The following RSRC1 variants were observed in gnomAD, a reference collection of about 807,000 sequenced individuals.
RSRC1 encodes arginine and serine rich coiled-coil 1, also known as serine/Arginine-related protein 53.
In RSRC1, 39 loss-of-function variants were observed where a neutral mutation model predicts 49.1. The ratio of observed to expected loss-of-function variants is 0.79; its 90% CI spans 0.61 to 1.04. The LOEUF (loss-of-function observed/expected upper bound fraction) is 1.04. Ranked by LOEUF, RSRC1 falls within the 50% of genes least tolerant of loss-of-function variation. The pLI, the probability that RSRC1 is intolerant of heterozygous loss-of-function variation, is 0.00. For synonymous variants in RSRC1, 143 were observed against 130.8 expected (o/e 1.09, Z -0.63); for missense variants, 388 against 402.4 (o/e 0.96, Z 0.31).
chr3:158,364,816 A>AAAAAAT (rs1731669258), intron 6 of RSRC1, among the ~76,000 whole-genome samples: 1 of 144,210 alleles, frequency 6.9e-6, no homozygotes, highest in Admixed American at 7.0e-5. Flanking sequence ...AGAATGGGAA[A>AAAAAAT]AATAATAATA....
intron 4 of RSRC1, among the ~76,000 whole-genome samples, chr3:158,291,289 C>A (rs927860993): frequency 6.6e-6 from 1 of 152,000 alleles, no homozygotes; most frequent in Non-Finnish European, 1.5e-5. Context: ...TATATTTAAT[C>A]TTTTATTTAC....
intron 4 of RSRC1, among the ~76,000 whole-genome samples, chr3:158,291,902 G>A (rs898616494): frequency 7.2e-5 from 11 of 152,102 alleles, no homozygotes; most frequent in Admixed American, 1.3e-4. Context: ...GAGGACATAA[G>A]CTTTATTATA....
At chr3:158,346,747 C>G (rs1560003876) in intron 5 of RSRC1, among the ~76,000 whole-genome samples, 1 of 152,174 alleles carries the variant, frequency 6.6e-6, no homozygotes, top group Non-Finnish European at 1.5e-5. Flanking sequence ...TACCATATGA[C>G]TTAGCCATTT....
intron 5 of RSRC1, among the ~76,000 whole-genome samples, chr3:158,316,869 T>C (rs1159019818): frequency 6.6e-6 from 1 of 152,218 alleles, no homozygotes; most frequent in East Asian, 1.9e-4. Flanking sequence ...GTGCTTAATT[T>C]ACCTTAGCAA....
chr3:158,185,811 A>G (rs546988793), intron 3 of RSRC1, among the ~76,000 whole-genome samples: 4 of 152,106 alleles, frequency 2.6e-5, no homozygotes, highest in Non-Finnish European at 5.9e-5. Context: ...TTAAGATTAG[A>G]TGGTGTCCAG....
At chr3:158,116,916 G>A (rs1043839037) in intron 1 of RSRC1, among the ~76,000 whole-genome samples, 55 of 151,904 alleles carry the variant, frequency 3.6e-4, no homozygotes, top group African/African-American at 1.3e-3. Context: ...CTTATATTTT[G>A]AATCTGGGTT....
chr3:158,465,819 G>T (rs1336729651), intron 7 of RSRC1, among the ~76,000 whole-genome samples: 1 of 151,974 alleles, frequency 6.6e-6, no homozygotes, highest in African/African-American at 2.4e-5. Flanking sequence ...TATTTCTATA[G>T]TTTTTTAACA....
chr3:158,160,119 T>C (rs1300742615), intron 3 of RSRC1, among the ~76,000 whole-genome samples: 2 of 152,180 alleles, frequency 1.3e-5, no homozygotes, highest in Non-Finnish European at 2.9e-5. Flanking sequence ...CTTGGGAATT[T>C]TATAATGAAT....
At chr3:158,331,769 TA>T (rs1170120929) in intron 5 of RSRC1, among the ~76,000 whole-genome samples, 1 of 151,636 alleles carries the variant, frequency 6.6e-6, no homozygotes, top group Non-Finnish European at 1.5e-5. Flanking sequence ...AAACAAAATA[TA>T]TGCAAAAAAC....
intron 6 of RSRC1, among the ~76,000 whole-genome samples, chr3:158,454,637 C>CA (rs1277225348): frequency 6.6e-6 from 1 of 152,084 alleles, no homozygotes; most frequent in Non-Finnish European, 1.5e-5. Context: ...ATAGTGATTC[C>CA]AAAAACTTCT....
At chr3:158,187,240 A>T (rs189846269) in intron 3 of RSRC1, among the ~76,000 whole-genome samples, 23 of 152,156 alleles carry the variant, frequency 1.5e-4, no homozygotes, top group African/African-American at 5.5e-4. Flanking sequence ...TGGAGAATTG[A>T]GTGAGATAAA....
intron 2 of RSRC1, 134 bp from the exon 3 acceptor site, chr3:158,123,732 A>G: frequency 1.3e-6 from 1 of 749,032 alleles, no homozygotes. Flanking sequence ...TAACATTTTA[A>G]TTTATCTCTG....
chr3:158,118,420 TG>T (rs1715000585), intron 1 of RSRC1, among the ~76,000 whole-genome samples: 4 of 82,268 alleles, frequency 4.9e-5, no homozygotes, highest in South Asian at 6.7e-4. Flanking sequence ...CTTCTGTGTG[TG>T]TGTGTGTGTG....
At chr3:158,364,297 T>G (rs1578390189) in intron 6 of RSRC1, among the ~76,000 whole-genome samples, 1 of 93,810 alleles carries the variant, frequency 1.1e-5, no homozygotes, top group African/African-American at 3.0e-5. Context: ...CCACTCACTA[T>G]CTATGGCTCC....
Position 158,175,929 on chromosome 3 carries a change from C to T in RSRC1, c.321-27143C>T, listed in dbSNP as rs568181071. On this transcript the variant is annotated intron_variant, in intron 3 of 9. Transcript: ENST00000611884. ...CACTTTATTGAATCAGCTATTGAAG[C>T]TTGTGCATGCATCATGAGGTTCTCG... Among the ~76,000 whole-genome samples the T allele has an allele frequency of 2.0e-4, 30 of 152,218 alleles. 1 individual carries two copies. In the South Asian group the frequency reaches 6.2e-3, roughly 32 times the overall value.
intron 4 of RSRC1, among the ~76,000 whole-genome samples, chr3:158,259,043 G>A (rs1724735936): frequency 6.6e-6 from 1 of 152,076 alleles, no homozygotes; most frequent in Non-Finnish European, 1.5e-5. Context: ...ATCTTTCCAG[G>A]ATTGGCTGGT....
In RSRC1 at chr3:158,162,392, A is replaced by G. The variant is rs145063791; in HGVS notation, c.320+38401A>G. The stretch of plus-strand genomic sequence containing the variant: ...AACTGGGGGAGGAAAGAGCATGTTA[A>G]TGGTATCTAATGGTTTCCTTTTTTT... On this transcript the variant is annotated intron_variant, in intron 3 of 9. Coordinates refer to ENST00000611884, the MANE Select transcript of RSRC1 (RefSeq NM_001271838.2). Among the ~76,000 whole-genome samples the G allele has an allele frequency of 1.4e-3, 217 of 152,282 alleles. 1 individual carries two copies. Among genetic ancestry groups the G allele is most frequent in the African/African-American group, 5.0e-3 (206 of 41,566 alleles).
At chr3:158,521,488 T>G (rs1476494036) in intron 7 of RSRC1, among the ~76,000 whole-genome samples, 1 of 152,108 alleles carries the variant, frequency 6.6e-6, no homozygotes, top group Non-Finnish European at 1.5e-5. Context: ...TTCTATGAAA[T>G]AACAAACTCA....
At chr3:158,437,526 C>T (rs554405266) in intron 6 of RSRC1, among the ~76,000 whole-genome samples, 37 of 152,154 alleles carry the variant, frequency 2.4e-4, no homozygotes, top group African/African-American at 8.7e-4. Flanking sequence ...AATCAATAAA[C>T]GGAATCCATC....
Sources: allele counts gnomAD v4.1 joint callset (sites outside exome capture counted in the v4.1 genomes callset), GRCh38; gene constraint gnomAD v4.1.1; transcripts MANE v1.5; gene names NCBI Gene and HGNC (gene_info 2026-07-23, HGNC 2026-07-21).